CALN1: variants seen among roughly 807,000 people sequenced by gnomAD.
The protein encoded by CALN1 is calcium-binding protein 8.
Under a neutral mutation model 30.6 loss-of-function variants are expected in CALN1, and 17 were observed. The ratio of observed to expected loss-of-function variants is 0.56; its 90% CI spans 0.38 to 0.83. The LOEUF is 0.83. Ranked by LOEUF, CALN1 falls within the 40% of genes least tolerant of loss-of-function variation. The probability of loss-of-function intolerance (pLI) is 0.00; values close to 1 mark genes in which losing one functional copy is unlikely to be tolerated. For missense variants in CALN1, 291 were observed against 354.9 expected (o/e 0.82, Z 1.45); for synonymous variants, 156 against 131.4 (o/e 1.19, Z -1.28).
At chr7:72,316,684 C>T (rs866119500) in intron 2 of CALN1, among the ~76,000 whole-genome samples, 2 of 152,020 alleles carry the variant, frequency 1.3e-5, no homozygotes, top group Admixed American at 6.6e-5. Context: ...GCCTGAAACC[C>T]CAGCATTTTG....
At chr7:72,348,640 T>C (rs1451118370) in intron 2 of CALN1, among the ~76,000 whole-genome samples, 1 of 152,244 alleles carries the variant, frequency 6.6e-6, no homozygotes, top group African/African-American at 2.4e-5. Flanking sequence ...CAAGTTCTGA[T>C]GATCCTGAGT....
intron 4 of CALN1, among the ~76,000 whole-genome samples, chr7:72,075,738 G>C (rs1804685094): frequency 6.6e-6 from 1 of 152,164 alleles, no homozygotes; most frequent in South Asian, 2.1e-4. Flanking sequence ...TCACTGTCAA[G>C]TTTGCTCCTT....
At chr7:71,978,898 T>A (rs1798244296) in intron 5 of CALN1, among the ~76,000 whole-genome samples, 1 of 152,250 alleles carries the variant, frequency 6.6e-6, no homozygotes, top group Admixed American at 6.5e-5. Context: ...GTGGATCTCT[T>A]ACATTTCTGT....
intron 1 of CALN1, among the ~76,000 whole-genome samples, chr7:72,444,545 C>T (rs968957122): frequency 6.6e-6 from 1 of 152,152 alleles, no homozygotes; most frequent in Non-Finnish European, 1.5e-5. Context: ...CCACGCCATG[C>T]CAGGCCCTTT....
intron 2 of CALN1, among the ~76,000 whole-genome samples, chr7:72,301,920 G>C (rs537824951): frequency 2.0e-5 from 3 of 152,252 alleles, no homozygotes; most frequent in South Asian, 4.1e-4. Flanking sequence ...AAGAAAACCA[G>C]TGTCACCGAC....
chr7:72,242,334 T>C (rs1039198545), intron 3 of CALN1, among the ~76,000 whole-genome samples: 1 of 152,138 alleles, frequency 6.6e-6, no homozygotes, highest in Non-Finnish European at 1.5e-5. Context: ...AGTCCCTGCT[T>C]TCCATCCTTT....
At chr7:72,473,783 A>C in the CALN1 span, among the ~76,000 whole-genome samples, 1 of 152,030 alleles carries the variant, frequency 6.6e-6, no homozygotes, top group African/African-American at 2.4e-5. Flanking sequence ...AAATACAAAA[A>C]ATTAGCCAGG....
chr7:72,483,280 CTT>C, the CALN1 span, among the ~76,000 whole-genome samples: 2,531 of 99,838 alleles, frequency 0.025, 88 homozygotes, highest in African/African-American at 0.083. Flanking sequence ...TTTTCTTTTT[CTT>C]TTTTTTTTTT....
chr7:72,153,955 C>T (rs1302347660), intron 3 of CALN1, among the ~76,000 whole-genome samples: 1 of 152,152 alleles, frequency 6.6e-6, no homozygotes, highest in East Asian at 1.9e-4. Context: ...GCCTGAACCA[C>T]TAACAATTCG....
intron 3 of CALN1, among the ~76,000 whole-genome samples, chr7:72,223,709 T>C (rs1317970835): frequency 1.3e-5 from 2 of 152,212 alleles, no homozygotes; most frequent in Admixed American, 6.5e-5. Flanking sequence ...AGCATGTTTA[T>C]TGCAGCATTA....
At chr7:71,824,169 T>TGC (rs1268923977) in intron 5 of CALN1, among the ~76,000 whole-genome samples, 1 of 152,132 alleles carries the variant, frequency 6.6e-6, no homozygotes, top group African/African-American at 2.4e-5. Context: ...GCCTCTCTGT[T>TGC]GTTTAGTGTG....
chr7:72,028,163 G>A (rs1490130481), intron 4 of CALN1, among the ~76,000 whole-genome samples: 1 of 151,770 alleles, frequency 6.6e-6, no homozygotes, highest in Non-Finnish European at 1.5e-5. Context: ...TCTCCCACTT[G>A]GGAACCTCAT....
At chr7:72,174,029 A>C (rs967009954) in intron 3 of CALN1, among the ~76,000 whole-genome samples, 1 of 152,122 alleles carries the variant, frequency 6.6e-6, no homozygotes, top group Admixed American at 6.5e-5. Flanking sequence ...TATTTGCAAC[A>C]TGCATGCAAA....
chr7:72,491,071 T>G, the CALN1 span, among the ~76,000 whole-genome samples: 5 of 152,046 alleles, frequency 3.3e-5, no homozygotes, highest in East Asian at 9.7e-4. Context: ...GGTGAAACCC[T>G]GTCTCTACTA....
At chr7:72,297,766 T>C (rs145177870) in intron 2 of CALN1, among the ~76,000 whole-genome samples, 175 of 152,356 alleles carry the variant, frequency 1.1e-3, no homozygotes, top group Admixed American at 1.9e-3. Flanking sequence ...ATAATATTCA[T>C]TCTTCAATTC....
At chr7:72,042,833 A>C (rs1802215760) in intron 4 of CALN1, among the ~76,000 whole-genome samples, 1 of 152,196 alleles carries the variant, frequency 6.6e-6, no homozygotes, top group African/African-American at 2.4e-5. Flanking sequence ...ACCACTCTTA[A>C]AAGTTTTAGG....
chr7:71,866,518 A>G (rs1262737423), intron 5 of CALN1, among the ~76,000 whole-genome samples: 1 of 152,192 alleles, frequency 6.6e-6, no homozygotes, highest in Non-Finnish European at 1.5e-5. Context: ...TAAAAAACAT[A>G]TAGATCATTG....
At chr7:72,018,561 C>G (rs1800530562) in intron 5 of CALN1, among the ~76,000 whole-genome samples, 1 of 152,164 alleles carries the variant, frequency 6.6e-6, no homozygotes, top group Non-Finnish European at 1.5e-5. Flanking sequence ...TGCCAAGAGT[C>G]TCACACCCAG....
At chr7:72,062,526 A>G (rs1309137262) in intron 4 of CALN1, among the ~76,000 whole-genome samples, 5 of 135,018 alleles carry the variant, frequency 3.7e-5, no homozygotes, top group South Asian at 2.1e-4. Context: ...AAAAAAAAAA[A>G]AAAAGAAAAA....
Sources: allele counts gnomAD v4.1 joint callset (sites outside exome capture counted in the v4.1 genomes callset), GRCh38; gene constraint gnomAD v4.1.1; transcripts MANE v1.5; gene names NCBI Gene and HGNC (gene_info 2026-07-23, HGNC 2026-07-21).